CYP39A1: variants seen among roughly 807,000 people sequenced by gnomAD.
CYP39A1 encodes the protein cytochrome P450 family 39 subfamily A member 1.
A neutral mutation model predicts 58.1 loss-of-function variants in CYP39A1; 49 were observed. The observed-to-expected ratio is 0.84, with a 90% CI of 0.67 to 1.07. The LOEUF is 1.07. Ranked by LOEUF, CYP39A1 falls within the 50% of genes least tolerant of loss-of-function variation. The pLI is 0.00. For missense variants in CYP39A1, 531 were observed against 539.4 expected (o/e 0.98, Z 0.16); for synonymous variants, 209 against 187.6 (o/e 1.11, Z -0.93).
intron 7 of CYP39A1, among the ~76,000 whole-genome samples, chr6:46,617,809 A>C (rs923009019): frequency 1.3e-5 from 2 of 152,162 alleles, no homozygotes; most frequent in African/African-American, 4.8e-5. Flanking sequence ...CAAGGAAAGC[A>C]CTTAAAATAG....
intron 10 of CYP39A1, among the ~76,000 whole-genome samples, chr6:46,573,665 T>C (rs1314716462): frequency 1.3e-5 from 2 of 152,090 alleles, no homozygotes; most frequent in Non-Finnish European, 2.9e-5. Context: ...ATTCAGCACA[T>C]AGGTGATCAG....
intron 8 of CYP39A1, among the ~76,000 whole-genome samples, chr6:46,595,728 A>C (rs530710067): frequency 2.6e-4 from 40 of 152,172 alleles, no homozygotes; most frequent in African/African-American, 9.1e-4. Context: ...CCTGAAAATT[A>C]CCAAGAGAAT....
Position 46,577,575 on chromosome 6 carries a change from T to C in CYP39A1, c.1250+9502A>G, listed in dbSNP as rs148558781. ...CACCCAAAGACTCAAGGTAAGGGGA[T>C]AGAGAAAGATCTATCAAGCAAACAG... On this transcript the variant is annotated intron_variant, in intron 10 of 11. Coordinates refer to ENST00000275016, the MANE Select transcript of CYP39A1 (RefSeq NM_016593.5). 1.2e-3 allele frequency among the ~76,000 whole-genome samples: 188 copies of C among 152,156 alleles called. 4 individuals carry two copies. The East Asian group carries it at 0.031, about 25-fold the overall frequency.
At chr6:46,558,374 C>T (rs1008218487) in intron 10 of CYP39A1, among the ~76,000 whole-genome samples, 2 of 152,130 alleles carry the variant, frequency 1.3e-5, no homozygotes, top group African/African-American at 4.8e-5. Context: ...GCTCCTTCTT[C>T]ACATGGTGGC....
At chr6:46,616,144 C>T (rs1774539781) in intron 7 of CYP39A1, among the ~76,000 whole-genome samples, 1 of 1,894 alleles carries the variant, frequency 5.3e-4, no homozygotes, top group Non-Finnish European at 1.2e-3. Context: ...TTCTTTCTTT[C>T]TTTCTTTCTT....
rs1185316372 is a variant in CYP39A1, at chr6:46,652,741, G to C, written c.-159C>G. 4.9e-6 allele frequency: 3 copies of C among 611,794 alleles called. No homozygotes were observed. The highest frequency in any genetic ancestry group is 8.1e-6 in the Non-Finnish European group (3 of 370,526). The allele number at this position is 611,794 out of a possible 1,614,324, so 37.9% of individuals were successfully genotyped here. A position where few individuals can be genotyped will look rare whatever the true frequency, so the allele number is the denominator to read the frequency against. ...ACTGTAGCTTCCTTCCTCTGTCCCA[G>C]TTTTCAGGTGATTTTTCCATTGTCG... On this transcript the variant is annotated 5_prime_UTR_variant, in exon 1 of 12. Transcript: ENST00000275016.
rs79409130 is a variant in CYP39A1, at chr6:46,577,042, C to T, written c.1250+10035G>A. Among the ~76,000 whole-genome samples, 417 of 152,226 alleles carry T rather than the reference C, an allele frequency of 2.7e-3. 3 individuals carry two copies. The highest frequency in any genetic ancestry group is 9.4e-3 in the African/African-American group (391 of 41,544). On this transcript the variant is annotated intron_variant, in intron 10 of 11. Transcript: ENST00000275016. ...AGCCAGCAATGGAGAAGGGGCAGAT[C>T]ATGTATAAAGGAATTGCCATCAGGC...
chr6:46,618,305 A>G (rs1179837753), intron 7 of CYP39A1, among the ~76,000 whole-genome samples: 1 of 152,170 alleles, frequency 6.6e-6, no homozygotes, highest in African/African-American at 2.4e-5. Flanking sequence ...TACACCATTA[A>G]TAAGTGTCTC....
intron 10 of CYP39A1, among the ~76,000 whole-genome samples, chr6:46,576,306 G>A (rs1771841499): frequency 6.6e-6 from 1 of 152,072 alleles, no homozygotes. Flanking sequence ...ATTTGGGTGG[G>A]GATGTAGATC....
At position 46,638,052 on chromosome 6, in the gene CYP39A1, A is replaced by T. The variant is rs192703562; in HGVS notation, c.489-74T>A. 30 of 1,437,956 alleles carry T rather than the reference A, an allele frequency of 2.1e-5. No homozygotes were observed. In the Admixed American group the frequency reaches 7.2e-4, roughly 34 times the overall value. The allele number at this position is 1,437,956 out of a possible 1,614,324, so 89.1% of individuals were successfully genotyped here. A position where few individuals can be genotyped will look rare whatever the true frequency, so the allele number is the denominator to read the frequency against. ...AAAGGCAAAGGATACAAAGCAAGGCATTATTTCATAGCAATATATGGGGAG... is the reference window on the plus strand; with the variant it reads ...AAAGGCAAAGGATACAAAGCAAGGCTTTATTTCATAGCAATATATGGGGAG... On this transcript the variant is annotated intron_variant, in intron 3 of 11. Transcript: ENST00000275016.
At chr6:46,624,785 T>C (rs1001216036) in intron 7 of CYP39A1, among the ~76,000 whole-genome samples, 4 of 152,188 alleles carry the variant, frequency 2.6e-5, no homozygotes, top group South Asian at 2.1e-4. Context: ...AAACAAGTAG[T>C]TGAGTACTCT....
At chr6:46,550,942 T>C (rs1770362895) in intron 11 of CYP39A1, among the ~76,000 whole-genome samples, 1 of 152,188 alleles carries the variant, frequency 6.6e-6, no homozygotes, top group Non-Finnish European at 1.5e-5. Context: ...AAAGATACTT[T>C]GTAGGCTCCA....
intron 10 of CYP39A1, among the ~76,000 whole-genome samples, chr6:46,564,691 G>C (rs1333332755): frequency 6.6e-6 from 1 of 152,156 alleles, no homozygotes; most frequent in Non-Finnish European, 1.5e-5. Context: ...GAATACCTCT[G>C]TCACTTTTAA....
Position 46,550,396 on chromosome 6 carries a change from T to C in CYP39A1, c.1380A>G (p.Gln460=), listed in dbSNP as rs1770326632. 6.2e-7 allele frequency: 1 copy of C among 1,612,720 alleles called. No homozygotes were observed. The highest frequency in any genetic ancestry group is 1.3e-5 in the African/African-American group (1 of 75,002). Residue 460 remains glutamine (Q), a synonymous_variant, in exon 12 of 12, where the codon CAA becomes CAG. Transcript: ENST00000275016. ...HLVGVPQPEG[Q]CRIEYKQRI ...TTCTTTGTTTATATTCAATTCGGCA[T>C]TGCCCTTCCGGCTGGGGGACACCCA...
chr6:46,596,575 C>T (rs570790649), intron 7 of CYP39A1, among the ~76,000 whole-genome samples: 12 of 148,614 alleles, frequency 8.1e-5, no homozygotes, highest in South Asian at 2.1e-4. Context: ...TTTTTTTTTT[C>T]CCCCTAAATC....
chr6:46,623,897 A>G (rs1230723039), intron 7 of CYP39A1, among the ~76,000 whole-genome samples: 1 of 152,166 alleles, frequency 6.6e-6, no homozygotes, highest in Non-Finnish European at 1.5e-5. Context: ...TCTTTCATAA[A>G]TAGTTTTCAA....
chr6:46,563,701 C>T (rs1008703630), intron 10 of CYP39A1, among the ~76,000 whole-genome samples: 11 of 152,138 alleles, frequency 7.2e-5, no homozygotes. Flanking sequence ...ACTTGAGCTA[C>T]ACCATGAGGG....
At chr6:46,637,513 G>T (rs1026172587) in intron 4 of CYP39A1, among the ~76,000 whole-genome samples, 1 of 152,202 alleles carries the variant, frequency 6.6e-6, no homozygotes, top group Non-Finnish European at 1.5e-5. Flanking sequence ...TCAGGTTGAC[G>T]ATTTAGCAGG....
At chr6:46,566,110 A>AT (rs1429424989) in intron 10 of CYP39A1, among the ~76,000 whole-genome samples, 4 of 152,286 alleles carry the variant, frequency 2.6e-5, no homozygotes, top group African/African-American at 7.2e-5. Context: ...TAGGAAGATT[A>AT]TAAGTGGCTG....
Sources: gnomAD v4.1 joint callset for allele counts (sites outside exome capture counted in the v4.1 genomes callset) on GRCh38, gnomAD v4.1.1 for gene constraint, MANE v1.5 for transcripts, NCBI Gene and HGNC (gene_info 2026-07-23, HGNC 2026-07-21) for gene names.